Variants in PKHD1 observed in about 807,000 individuals in gnomAD.
The protein encoded by PKHD1 is PKHD1 ciliary IPT domain containing fibrocystin/polyductin, also known as fibrocystin.
Under a neutral mutation model 412.0 loss-of-function variants are expected in PKHD1, and 291 were observed. The observed-to-expected ratio is 0.71, with a 90% CI of 0.64 to 0.78. The LOEUF is 0.78. Among genes scored for constraint, PKHD1 ranks in the 30% least tolerant of loss-of-function variants. PKHD1 has a pLI of 0.00. For synonymous variants in PKHD1, 1,777 were observed against 1,821.5 expected, an observed-to-expected ratio of 0.98 and a Z score of 0.62; for missense variants, 4,825 against 4,950.7, an observed-to-expected ratio of 0.97 and a Z score of 0.76.
chr6:51,885,965 G>A lies in PKHD1; in HGVS notation c.7117C>T (p.Leu2373Phe), dbSNP rs898308678. Residue 2373 changes from leucine to phenylalanine, a missense_variant, in exon 45 of 67, where the codon CTC becomes TTC. Transcript: ENST00000371117. ...NIAHSCTRYG[L>F]FVYPKFQPPW... Reference sequence around the variant, plus strand: ...GGCTGAAATTTAGGGTATACAAAGAGACCATACCTAAAAAGTGAAACAGAA... The same window carrying A: ...GGCTGAAATTTAGGGTATACAAAGAAACCATACCTAAAAAGTGAAACAGAA... 3 of 1,576,616 alleles carry A rather than the reference G, an allele frequency of 1.9e-6. No homozygotes were observed. The highest frequency in any genetic ancestry group is 1.7e-6 in the Non-Finnish European group (2 of 1,145,876).
chr6:51,887,573 A>G (rs923801184), intron 43 of PKHD1, among the ~76,000 whole-genome samples: 1 of 152,090 alleles, frequency 6.6e-6, no homozygotes, highest in African/African-American at 2.4e-5. Flanking sequence ...TCCTCACCAT[A>G]GTAAGTGAGT....
At position 51,649,895 on chromosome 6, in the gene PKHD1, A is replaced by C. The variant is rs571147495; in HGVS notation, c.11175-675T>G. On this transcript the variant is annotated intron_variant, in intron 61 of 66. Transcript: ENST00000371117. The stretch of plus-strand genomic sequence containing the variant: ...GTTGCATGAAGCATCTGAGGAGAAT[A>C]ATATTTAGAATTGATATTTACTGAG... Among the ~76,000 whole-genome samples, 121 of 152,346 alleles carry C rather than the reference A, an allele frequency of 7.9e-4. 1 individual carries two copies. Among genetic ancestry groups the C allele is most frequent in the Admixed American group, 2.3e-3 (35 of 15,284 alleles).
At chr6:51,961,553 G>A (rs1353110814) in intron 35 of PKHD1, among the ~76,000 whole-genome samples, 1 of 152,040 alleles carries the variant, frequency 6.6e-6, no homozygotes, top group Non-Finnish European at 1.5e-5. Flanking sequence ...TTCACTATAG[G>A]ACTAGCTTTA....
At chr6:51,867,782 T>C (rs931467641) in intron 48 of PKHD1, 81 bp downstream of exon 48, 2 of 1,286,800 alleles carry the variant, frequency 1.6e-6, no homozygotes, top group Non-Finnish European at 1.1e-6. Context: ...AGAAAACAAT[T>C]TCCCTTCTAT....
At chr6:51,725,976 G>A (rs552892034) in intron 60 of PKHD1, among the ~76,000 whole-genome samples, 1 of 152,268 alleles carries the variant, frequency 6.6e-6, no homozygotes, top group Admixed American at 6.5e-5. Context: ...AGCTCTGGTG[G>A]CCTTGAAAAA....
At chr6:52,043,837 C>T in intron 25 of PKHD1, 107 bp from the exon 26 acceptor site, 3 of 746,658 alleles carry the variant, frequency 4.0e-6, no homozygotes, top group South Asian at 3.0e-5. Context: ...TCATGATTCG[C>T]TAATTCTTAT....
intron 60 of PKHD1, among the ~76,000 whole-genome samples, chr6:51,665,016 T>C (rs990582231): frequency 6.6e-6 from 1 of 152,128 alleles, no homozygotes; most frequent in Non-Finnish European, 1.5e-5. Context: ...ATGAAAAATA[T>C]ACTCATTTTG....
At chr6:51,967,347 AC>A (rs1179876529) in intron 35 of PKHD1, among the ~76,000 whole-genome samples, 2 of 152,040 alleles carry the variant, frequency 1.3e-5, no homozygotes, top group Non-Finnish European at 2.9e-5. Flanking sequence ...AAGTTTGGGG[AC>A]CCCGGTAAAT....
At chr6:51,884,274 G>C (rs760642183) in intron 45 of PKHD1, among the ~76,000 whole-genome samples, 10 of 152,236 alleles carry the variant, frequency 6.6e-5, no homozygotes, top group Middle Eastern at 3.4e-3. Flanking sequence ...TTGTTGAAAA[G>C]ACTATATTTC....
chr6:51,872,475 C>A (rs1038103099), intron 46 of PKHD1, among the ~76,000 whole-genome samples: 3 of 151,850 alleles, frequency 2.0e-5, no homozygotes, highest in African/African-American at 7.3e-5. Flanking sequence ...GTGGCATGAT[C>A]TCGGCTCACT....
At chr6:51,736,254 T>C (rs1783830625) in intron 60 of PKHD1, among the ~76,000 whole-genome samples, 1 of 152,182 alleles carries the variant, frequency 6.6e-6, no homozygotes, top group South Asian at 2.1e-4. Flanking sequence ...TCCCCATAGA[T>C]CACATGCCTG....
intron 37 of PKHD1, among the ~76,000 whole-genome samples, chr6:51,925,953 C>T (rs1325110904): frequency 1.4e-5 from 2 of 146,738 alleles, no homozygotes; most frequent in African/African-American, 5.0e-5. Flanking sequence ...AGTCCAGGCA[C>T]TGTTCTAGGC....
rs928044355 is a variant in PKHD1 at position 51,967,872 on chromosome 6, T to C, written c.5752-7846A>G. Among the ~76,000 whole-genome samples the C allele has an allele frequency of 2.6e-5, 4 of 152,220 alleles. No homozygotes were observed. In the East Asian group the frequency reaches 5.8e-4, roughly 22 times the overall value. On this transcript the variant is annotated intron_variant, in intron 35 of 66. Transcript: ENST00000371117. ...AAGGTTAACATTTTAAGTGATGGAC[T>C]ACAACATGTTATTTCCCCATGCAAT...
At chr6:51,821,059 C>T (rs1007333864) in intron 52 of PKHD1, among the ~76,000 whole-genome samples, 6 of 152,146 alleles carry the variant, frequency 3.9e-5, no homozygotes, top group African/African-American at 1.4e-4. Flanking sequence ...CCAACCCCAA[C>T]CAGGGGGGTA....
intron 36 of PKHD1, among the ~76,000 whole-genome samples, chr6:51,939,653 A>G (rs930080073): frequency 2.6e-5 from 4 of 151,490 alleles, no homozygotes; most frequent in African/African-American, 4.8e-5. Flanking sequence ...TGACGTCCAG[A>G]CATTCTTTTA....
At position 51,754,982 on chromosome 6, in the gene PKHD1, C is replaced by T. The variant is rs373900573; in HGVS notation, c.8643-44G>A. On this transcript the variant is annotated intron_variant, in intron 55 of 66. Coordinates refer to ENST00000371117, the MANE Select transcript of PKHD1 (RefSeq NM_138694.4). ...GGCATTGGATATACTAACAGTGCAGCACAAATCATCTATTAACTCCAGAGC... is the reference window on the plus strand; with the variant it reads ...GGCATTGGATATACTAACAGTGCAGTACAAATCATCTATTAACTCCAGAGC... The T allele has an allele frequency of 4.7e-6, 7 of 1,502,268 alleles. No individual in the cohort carries two copies. In the African/African-American group the frequency reaches 6.9e-5, roughly 15 times the overall value. 93.1% of individuals were successfully genotyped at this position (1,502,268 alleles called of 1,614,324 possible).
rs567195572 is a variant in PKHD1 at position 52,063,766 on chromosome 6, C to T, written c.977-1106G>A. Among the ~76,000 whole-genome samples the T allele has an allele frequency of 9.8e-5, 15 of 152,324 alleles. 1 individual carries two copies. Among genetic ancestry groups the T allele is most frequent in the African/African-American group, 3.4e-4 (14 of 41,584 alleles). ...CCAAACATGTTTCTACACATTGCTA[C>T]GTGTCCCCCGAGGGGCAACATTGCC... On this transcript the variant is annotated intron_variant, in intron 13 of 66. Coordinates refer to ENST00000371117, the MANE Select transcript of PKHD1 (RefSeq NM_138694.4).
intron 35 of PKHD1, among the ~76,000 whole-genome samples, chr6:52,003,424 A>C (rs1798679886): frequency 6.6e-6 from 1 of 152,146 alleles, no homozygotes; most frequent in African/African-American, 2.4e-5. Flanking sequence ...AACATGAGGA[A>C]GGTGCTACTC....
At chr6:51,722,662 A>G (rs1782071140) in intron 60 of PKHD1, among the ~76,000 whole-genome samples, 1 of 152,228 alleles carries the variant, frequency 6.6e-6, no homozygotes, top group African/African-American at 2.4e-5. Flanking sequence ...TATAATCAAT[A>G]TATATTGGTT....
Sources: allele counts gnomAD v4.1 joint callset (sites outside exome capture counted in the v4.1 genomes callset), GRCh38; gene constraint gnomAD v4.1.1; transcripts MANE v1.5; gene names NCBI Gene and HGNC (gene_info 2026-07-23, HGNC 2026-07-21).